The following PDE10A variants were observed in gnomAD, a reference collection of about 807,000 sequenced individuals.
The protein encoded by PDE10A is cAMP and cAMP-inhibited cGMP 3',5'-cyclic phosphodiesterase 10A.
Under a neutral mutation model 97.7 loss-of-function variants are expected in PDE10A, and 39 were observed. The ratio of observed to expected loss-of-function variants is 0.40; its 90% CI spans 0.31 to 0.52. The LOEUF is 0.52. Among genes scored for constraint, PDE10A ranks in the 20% least tolerant of loss-of-function variants. The pLI is 0.56. For synonymous variants in PDE10A, 371 were observed against 376.8 expected, an observed-to-expected ratio of 0.98 and a Z score of 0.18; for missense variants, 731 against 1,047.8, an observed-to-expected ratio of 0.70 and a Z score of 4.17.
At chr6:165,691,782 C>G (rs1044021295) in intron 1 of PDE10A, among the ~76,000 whole-genome samples, 1 of 152,238 alleles carries the variant, frequency 6.6e-6, no homozygotes, top group African/African-American at 2.4e-5. Context: ...AGGCACCACT[C>G]AGCCCTGAGG....
At chr6:165,464,423 T>TA (rs1266270927) in intron 3 of PDE10A, among the ~76,000 whole-genome samples, 2 of 152,198 alleles carry the variant, frequency 1.3e-5, no homozygotes, top group Non-Finnish European at 2.9e-5. Flanking sequence ...TTAACATACT[T>TA]ATATATTTTC....
rs554107709 is a variant in PDE10A at position 165,721,217 on chromosome 6, C to A, written c.-614-177649G>T. Reference sequence around the variant, plus strand: ...GGGTGTGGCACAGGGTTTTCTTGACCTGGCTGAGAGCAACTTCCAGTGTGA... The same window carrying A: ...GGGTGTGGCACAGGGTTTTCTTGACATGGCTGAGAGCAACTTCCAGTGTGA... On this transcript the variant is annotated intron_variant, in intron 1 of 19. Coordinates refer to the PDE10A transcript ENST00000366882. Among the ~76,000 whole-genome samples, 397 of 152,266 alleles carry A rather than the reference C, an allele frequency of 2.6e-3. 1 individual carries two copies. Among genetic ancestry groups the A allele is most frequent in the Middle Eastern group, 0.01 (3 of 294 alleles).
chr6:165,557,108 A>G (rs767457845), intron 1 of PDE10A, among the ~76,000 whole-genome samples: 19 of 152,262 alleles, frequency 1.2e-4, no homozygotes, highest in South Asian at 1.2e-3. Context: ...CACTGCACTC[A>G]AGCCTGGGTG....
chr6:165,465,252 C>T (rs1028235186), intron 3 of PDE10A, among the ~76,000 whole-genome samples: 5 of 152,070 alleles, frequency 3.3e-5, no homozygotes, highest in South Asian at 2.1e-4. Flanking sequence ...AGGAAATCTG[C>T]GAGCTACACA....
At chr6:165,553,963 C>T (rs1203652371) in intron 1 of PDE10A, among the ~76,000 whole-genome samples, 1 of 152,108 alleles carries the variant, frequency 6.6e-6, no homozygotes, top group Admixed American at 6.6e-5. Context: ...CATGCAGGCA[C>T]AGGTTATGTT....
chr6:165,601,156 A>G (rs1786924084), intron 1 of PDE10A, among the ~76,000 whole-genome samples: 1 of 152,138 alleles, frequency 6.6e-6, no homozygotes, highest in Non-Finnish European at 1.5e-5. Flanking sequence ...AGGGGTTTCC[A>G]CTTTTGCTTC....
intron 1 of PDE10A, among the ~76,000 whole-genome samples, chr6:165,685,803 T>C (rs1791098286): frequency 6.6e-6 from 1 of 152,206 alleles, no homozygotes; most frequent in Admixed American, 6.5e-5. Flanking sequence ...AGATGCATTA[T>C]ATGGGCAAAG....
intron 1 of PDE10A, among the ~76,000 whole-genome samples, chr6:165,813,461 T>G (rs1583131336): frequency 6.7e-6 from 1 of 149,548 alleles, no homozygotes; most frequent in East Asian, 2.0e-4. Context: ...TATGACCAAA[T>G]CAGGTCATAA....
chr6:165,425,197 G>T (rs1301097236), intron 10 of PDE10A, among the ~76,000 whole-genome samples: 1 of 151,932 alleles, frequency 6.6e-6, no homozygotes, highest in Non-Finnish European at 1.5e-5. Flanking sequence ...AACTATGGGG[G>T]ACCATAATCA....
At chr6:165,510,573 C>T (rs1781451198) in intron 2 of PDE10A, among the ~76,000 whole-genome samples, 2 of 151,968 alleles carry the variant, frequency 1.3e-5, no homozygotes, top group African/African-American at 2.4e-5. Context: ...GAACTCCCTC[C>T]TCTTCAATTT....
intron 19 of PDE10A, among the ~76,000 whole-genome samples, chr6:165,342,163 T>C (rs1198743761): frequency 7.3e-6 from 1 of 137,616 alleles, no homozygotes; most frequent in African/African-American, 3.0e-5. Context: ...ATATATTTTA[T>C]GCACTTATGG....
chr6:165,722,881 TATAC>T lies in PDE10A; in HGVS notation c.-614-179317_-614-179314del, dbSNP rs1282486005. Among the ~76,000 whole-genome samples the T allele has an allele frequency of 8.1e-3, 1,179 of 145,792 alleles. 11 individuals carry two copies. Among genetic ancestry groups the T allele is most frequent in the African/African-American group, 0.029 (1,117 of 38,042 alleles). ...AATAAAATTTGTTCATATATATATA[TATAC>T]ACACACACACACACACATATACATA... On this transcript the variant is annotated intron_variant, in intron 1 of 19. Transcript: ENST00000366882.
chr6:165,851,664 T>G (rs996593597), intron 1 of PDE10A, among the ~76,000 whole-genome samples: 12 of 152,178 alleles, frequency 7.9e-5, no homozygotes, highest in African/African-American at 2.2e-4. Flanking sequence ...AGTTAGTTCT[T>G]GCAGATTTTG....
intron 13 of PDE10A, among the ~76,000 whole-genome samples, chr6:165,399,164 G>A (rs1219306566): frequency 6.6e-6 from 1 of 151,984 alleles, no homozygotes; most frequent in Non-Finnish European, 1.5e-5. Context: ...AGATAGTTTT[G>A]GTATACATGA....
rs1562809394 is a variant in PDE10A, at chr6:165,943,164, GAAAGAAAGAAAAAAGA to G, written c.-615+44349_-615+44364del. 3.8e-3 allele frequency among the ~76,000 whole-genome samples: 307 copies of G among 81,712 alleles called. 34 individuals carry two copies. Among genetic ancestry groups the G allele is most frequent in the East Asian group, 0.011 (29 of 2,556 alleles). 53.6% of individuals were successfully genotyped at this position (81,712 alleles called of 152,430 possible). ...AGAGGAGAGAGAGAGAGAGAGAGAA[GAAAGAAAGAAAAAAGA>G]AAGAAAGAAAGAAAGAAAGAAAGAA... On this transcript the variant is annotated intron_variant, in intron 1 of 19. Coordinates refer to the PDE10A transcript ENST00000366882.
At chr6:165,485,883 C>G (rs138655001) in intron 2 of PDE10A, among the ~76,000 whole-genome samples, 1 of 152,152 alleles carries the variant, frequency 6.6e-6, no homozygotes, top group Admixed American at 6.5e-5. Context: ...CGTGAGCTAC[C>G]GCGCCCGGCG....
At chr6:165,344,298 CTACTT>C (rs1195249119) in intron 18 of PDE10A, among the ~76,000 whole-genome samples, 1 of 152,136 alleles carries the variant, frequency 6.6e-6, no homozygotes, top group East Asian at 1.9e-4. Flanking sequence ...AGTGAAGTCT[CTACTT>C]AACAGAATAA....
chr6:165,611,471 T>G (rs1282065132), intron 1 of PDE10A, among the ~76,000 whole-genome samples: 2 of 152,230 alleles, frequency 1.3e-5, no homozygotes, highest in African/African-American at 4.8e-5. Context: ...GATACAAGCA[T>G]GTACCAGGGC....
chr6:165,987,697 C>T (rs1451896111), exon 1 of PDE10A: 1 of 456,666 alleles, frequency 2.2e-6, no homozygotes, highest in Non-Finnish European at 4.4e-6. Flanking sequence ...CAAGAAAGCC[C>T]GCTGGCCAAG....
Sources: gnomAD v4.1 joint callset for allele counts (sites outside exome capture counted in the v4.1 genomes callset) on GRCh38, gnomAD v4.1.1 for gene constraint, MANE v1.5 for transcripts, NCBI Gene and HGNC (gene_info 2026-07-23, HGNC 2026-07-21) for gene names.